The following ANO5 variants were observed in gnomAD, a reference collection of about 807,000 sequenced individuals.
The protein encoded by ANO5 is anoctamin 5, also known as anoctamin-5.
Under a neutral mutation model 121.0 loss-of-function variants are expected in ANO5, and 109 were observed. That is an observed-to-expected ratio of 0.90 (90% confidence interval 0.77 to 1.06). The LOEUF is 1.06. ANO5 is among the 50% of genes least tolerant of loss of function. The probability of loss-of-function intolerance (pLI) is 0.00; values close to 1 mark genes in which losing one functional copy is unlikely to be tolerated. For missense variants in ANO5, 1,064 were observed against 1,078.5 expected (o/e 0.99, Z 0.19); for synonymous variants, 406 against 359.9 (o/e 1.13, Z -1.45).
At chr11:22,241,203 C>T (rs932273242) in intron 9 of ANO5, among the ~76,000 whole-genome samples, 10 of 11,706 alleles carry the variant, frequency 8.5e-4, no homozygotes, top group East Asian at 5.2e-3. Flanking sequence ...TAGTGTATAT[C>T]GTAGTCATCC....
chr11:22,214,614 A>G (rs1247149559), intron 3 of ANO5, among the ~76,000 whole-genome samples: 1 of 151,976 alleles, frequency 6.6e-6, no homozygotes, highest in African/African-American at 2.4e-5. Flanking sequence ...CATATACTAT[A>G]GACATTATCA....
At chr11:22,216,114 T>G (rs921320388) in intron 3 of ANO5, among the ~76,000 whole-genome samples, 1 of 151,898 alleles carries the variant, frequency 6.6e-6, no homozygotes, top group African/African-American at 2.4e-5. Context: ...GTTTTCAGTT[T>G]CAAGACCATT....
chr11:22,263,164 A>C (rs1590307309), intron 17 of ANO5, 121 bp downstream of exon 17: 2 of 782,226 alleles, frequency 2.6e-6, no homozygotes, highest in East Asian at 5.3e-5. Context: ...AGCCAAAAGA[A>C]AGCTTTATTT....
At chr11:22,235,379 C>T (rs183705155) in intron 7 of ANO5, among the ~76,000 whole-genome samples, 24 of 151,300 alleles carry the variant, frequency 1.6e-4, no homozygotes, top group Admixed American at 5.3e-4. Context: ...ATCTATTTAC[C>T]GAGATGGAAT....
chr11:22,252,269 A>G (rs999385454), intron 12 of ANO5, among the ~76,000 whole-genome samples: 3 of 152,080 alleles, frequency 2.0e-5, no homozygotes, highest in African/African-American at 4.8e-5. Context: ...ATATACATCC[A>G]TTTTTCATGA....
At chr11:22,235,525 G>A (rs1248673362) in intron 7 of ANO5, among the ~76,000 whole-genome samples, 2 of 151,834 alleles carry the variant, frequency 1.3e-5, no homozygotes, top group Non-Finnish European at 2.9e-5. Context: ...AAACAGTGCT[G>A]AAAAAAACAA....
chr11:22,253,671 A>G (rs1853901205), intron 12 of ANO5, among the ~76,000 whole-genome samples: 1 of 152,196 alleles, frequency 6.6e-6, no homozygotes, highest in Admixed American at 6.5e-5. Flanking sequence ...TTCACAACCA[A>G]TATTAAATGA....
intron 1 of ANO5, among the ~76,000 whole-genome samples, chr11:22,194,216 T>A (rs1320437129): frequency 6.6e-6 from 1 of 152,248 alleles, no homozygotes; most frequent in Admixed American, 6.5e-5. Context: ...TCCGTGGACC[T>A]ATTTTAATAC....
chr11:22,192,950 G>A, upstream of ANO5: 2 of 982,418 alleles, frequency 2.0e-6, no homozygotes, highest in Non-Finnish European at 2.4e-6. Context: ...CGTGGAGCCA[G>A]CCGGGCCGGG....
intron 1 of ANO5, among the ~76,000 whole-genome samples, chr11:22,202,767 C>A (rs1055540728): frequency 3.3e-5 from 5 of 152,148 alleles, no homozygotes; most frequent in African/African-American, 1.2e-4. Context: ...GCTTTGTAGA[C>A]ACATCATTCT....
intron 1 of ANO5, among the ~76,000 whole-genome samples, chr11:22,196,360 G>A (rs539379770): frequency 7.9e-5 from 12 of 152,248 alleles, no homozygotes; most frequent in South Asian, 4.1e-4. Context: ...CATTCATGAG[G>A]ATGGAGCCCT....
intron 18 of ANO5, among the ~76,000 whole-genome samples, chr11:22,271,434 G>C (rs1854609182): frequency 6.6e-6 from 1 of 152,182 alleles, no homozygotes; most frequent in Admixed American, 6.5e-5. Context: ...CTTCTCCAGT[G>C]TAATACATTA....
At chr11:22,235,701 G>A (rs1053136320) in intron 7 of ANO5, among the ~76,000 whole-genome samples, 15 of 152,084 alleles carry the variant, frequency 9.9e-5, no homozygotes, top group African/African-American at 3.1e-4. Flanking sequence ...GTAGAGATAG[G>A]ATCACTTTGG....
At chr11:22,266,314 T>TTGA (rs1297738152) in intron 17 of ANO5, among the ~76,000 whole-genome samples, 5 of 152,142 alleles carry the variant, frequency 3.3e-5, no homozygotes, top group African/African-American at 9.7e-5. Flanking sequence ...GCTCGTCTGT[T>TTGA]TGATAGTGTC....
chr11:22,252,948 T>C (rs1329189463), intron 12 of ANO5, among the ~76,000 whole-genome samples: 1 of 152,166 alleles, frequency 6.6e-6, no homozygotes, highest in Non-Finnish European at 1.5e-5. Context: ...CATGCCTCCA[T>C]GATTGCAATT....
chr11:22,252,897 C>T (rs769567331), intron 12 of ANO5, among the ~76,000 whole-genome samples: 1 of 152,032 alleles, frequency 6.6e-6, no homozygotes, highest in Non-Finnish European at 1.5e-5. Context: ...TTTAAATATG[C>T]ACATACATGG....
At chr11:22,194,502 AT>A (rs575087977) in intron 1 of ANO5, among the ~76,000 whole-genome samples, 195 of 152,108 alleles carry the variant, frequency 1.3e-3, no homozygotes, top group African/African-American at 4.5e-3. Context: ...GTAAAGTTGG[AT>A]TTTTTTTAGT....
chr11:22,243,550 G>T (rs1853505917), intron 9 of ANO5, among the ~76,000 whole-genome samples: 1 of 151,864 alleles, frequency 6.6e-6, no homozygotes, highest in African/African-American at 2.4e-5. Context: ...ATCTGGTCTA[G>T]GGCATTTTTT....
chr11:22,223,194 A>G (rs1852711541), intron 5 of ANO5, among the ~76,000 whole-genome samples: 2 of 152,006 alleles, frequency 1.3e-5, no homozygotes, highest in Non-Finnish European at 1.5e-5. Context: ...GGGGTTCATT[A>G]GAAGGAATCA....
Sources: allele counts gnomAD v4.1 joint callset (sites outside exome capture counted in the v4.1 genomes callset), GRCh38; gene constraint gnomAD v4.1.1; transcripts MANE v1.5; gene names NCBI Gene and HGNC (gene_info 2026-07-23, HGNC 2026-07-21).